Variants in PDE4B observed in about 807,000 individuals in gnomAD.
PDE4B encodes 3',5'-cyclic-AMP phosphodiesterase 4B.
A neutral mutation model predicts 82.2 loss-of-function variants in PDE4B; 20 were observed. The observed-to-expected ratio is 0.24, with a 90% CI of 0.17 to 0.35. PDE4B has a LOEUF of 0.35. Ranked by LOEUF, PDE4B falls within the 10% of genes least tolerant of loss-of-function variation. PDE4B has a pLI of 1.00. For missense variants in PDE4B, 655 were observed against 907.2 expected (o/e 0.72, Z 3.57); for synonymous variants, 320 against 318.9 (o/e 1.00, Z -0.04).
chr1:66,182,367 AC>A (rs1647085254), intron 3 of PDE4B, among the ~76,000 whole-genome samples: 2 of 152,296 alleles, frequency 1.3e-5, no homozygotes, highest in East Asian at 3.9e-4. Flanking sequence ...TTTATACAAA[AC>A]ATATATAGAG....
At chr1:66,297,289 G>A (rs1657581249) in intron 7 of PDE4B, among the ~76,000 whole-genome samples, 1 of 152,042 alleles carries the variant, frequency 6.6e-6, no homozygotes, top group African/African-American at 2.4e-5. Context: ...ATGAATAGAT[G>A]TTTGTATTTC....
chr1:65,875,501 CAT>C (rs1380927084), intron 1 of PDE4B, among the ~76,000 whole-genome samples: 233 of 145,496 alleles, frequency 1.6e-3, no homozygotes, highest in Middle Eastern at 3.5e-3. Context: ...CACATGCACA[CAT>C]ATGTTTATTG....
chr1:65,985,842 G>C (rs760583326), intron 3 of PDE4B, among the ~76,000 whole-genome samples: 11 of 152,120 alleles, frequency 7.2e-5, no homozygotes, highest in Non-Finnish European at 1.5e-4. Context: ...AGCACTGTGA[G>C]GAGAAAGCCT....
chr1:66,286,453 G>C (rs1180723832), intron 7 of PDE4B, among the ~76,000 whole-genome samples: 1 of 152,100 alleles, frequency 6.6e-6, no homozygotes, highest in Non-Finnish European at 1.5e-5. Flanking sequence ...TACTTTCTAT[G>C]ACTGATATTT....
intron 3 of PDE4B, among the ~76,000 whole-genome samples, chr1:66,098,406 T>A (rs1158027391): frequency 3.9e-5 from 6 of 152,184 alleles, no homozygotes; most frequent in African/African-American, 1.4e-4. Flanking sequence ...CTCACCCTGC[T>A]TCTTTACCTT....
At chr1:66,268,276 A>G (rs1226443162) in intron 7 of PDE4B, among the ~76,000 whole-genome samples, 1 of 152,244 alleles carries the variant, frequency 6.6e-6, no homozygotes, top group African/African-American at 2.4e-5. Context: ...TTTAAAAGCT[A>G]ATTGTCAGAA....
intron 7 of PDE4B, among the ~76,000 whole-genome samples, chr1:66,270,148 G>C (rs1049986011): frequency 6.6e-6 from 1 of 152,138 alleles, no homozygotes; most frequent in Non-Finnish European, 1.5e-5. Flanking sequence ...TCAAAGCCTG[G>C]ATATCCATAG....
At chr1:65,957,400 A>G (rs1204694807) in intron 3 of PDE4B, among the ~76,000 whole-genome samples, 1 of 128,266 alleles carries the variant, frequency 7.8e-6, no homozygotes, top group African/African-American at 3.0e-5. Flanking sequence ...TCATTTATGC[A>G]GGGGTCTGAT....
At chr1:65,899,892 A>C (rs1392589847) in intron 1 of PDE4B, among the ~76,000 whole-genome samples, 1 of 151,886 alleles carries the variant, frequency 6.6e-6, no homozygotes, top group Non-Finnish European at 1.5e-5. Context: ...AAGGGTGGGA[A>C]GGGGGTGAGG....
intron 3 of PDE4B, among the ~76,000 whole-genome samples, chr1:65,946,956 G>C (rs1212806133): frequency 2.0e-5 from 3 of 152,042 alleles, no homozygotes; most frequent in Non-Finnish European, 2.9e-5. Flanking sequence ...ACATATCCCA[G>C]GATGCTCAGA....
chr1:66,261,616 T>G (rs773306440), intron 6 of PDE4B, among the ~76,000 whole-genome samples: 1 of 152,230 alleles, frequency 6.6e-6, no homozygotes, highest in Non-Finnish European at 1.5e-5. Flanking sequence ...AGTCAAGATT[T>G]CTTTTATCTT....
chr1:66,173,777 GT>G (rs1354628570), intron 3 of PDE4B, among the ~76,000 whole-genome samples: 1 of 152,024 alleles, frequency 6.6e-6, no homozygotes, highest in Non-Finnish European at 1.5e-5. Flanking sequence ...ACTTACTTGG[GT>G]TTTTTTGTTT....
intron 3 of PDE4B, among the ~76,000 whole-genome samples, chr1:66,192,530 C>T (rs1407499689): frequency 1.3e-5 from 2 of 152,096 alleles, no homozygotes; most frequent in Non-Finnish European, 2.9e-5. Flanking sequence ...GGCCATGAAA[C>T]CCCGGAAGAT....
chr1:66,089,049 G>A (rs1240799331), intron 3 of PDE4B, among the ~76,000 whole-genome samples: 2 of 152,178 alleles, frequency 1.3e-5, no homozygotes, highest in Non-Finnish European at 2.9e-5. Flanking sequence ...TGACATTGTT[G>A]TTATGAAAGC....
chr1:65,801,152 A>G (rs1645690436), intron 1 of PDE4B, among the ~76,000 whole-genome samples: 1 of 152,156 alleles, frequency 6.6e-6, no homozygotes, highest in South Asian at 2.1e-4. Context: ...TACTCCATAG[A>G]GCATGGATGA....
chr1:66,129,482 C>A (rs1314567624), intron 3 of PDE4B, among the ~76,000 whole-genome samples: 2 of 150,948 alleles, frequency 1.3e-5, no homozygotes, highest in Non-Finnish European at 3.0e-5. Context: ...ACGGTGAAAC[C>A]CCGTCTCTAC....
chr1:65,981,798 T>C (rs1025067480), intron 3 of PDE4B, among the ~76,000 whole-genome samples: 3 of 152,196 alleles, frequency 2.0e-5, no homozygotes, highest in African/African-American at 7.2e-5. Flanking sequence ...ATAATGGTTA[T>C]TATCTCTTAG....
chr1:66,142,684 C>T (rs997538981), intron 3 of PDE4B, among the ~76,000 whole-genome samples: 7 of 152,148 alleles, frequency 4.6e-5, no homozygotes, highest in African/African-American at 1.4e-4. Flanking sequence ...ACATACAGAG[C>T]ATTTGCATCA....
At chr1:66,007,459 A>G in intron 3 of PDE4B, among the ~76,000 whole-genome samples, 1 of 152,032 alleles carries the variant, frequency 6.6e-6, no homozygotes, top group South Asian at 2.1e-4. Flanking sequence ...AACCCCCCCC[A>G]ACCAAAACCA....
Sources: gnomAD v4.1 joint callset for allele counts (sites outside exome capture counted in the v4.1 genomes callset) on GRCh38, gnomAD v4.1.1 for gene constraint, MANE v1.5 for transcripts, NCBI Gene and HGNC (gene_info 2026-07-23, HGNC 2026-07-21) for gene names.